Variants in GATA6 observed in about 807,000 individuals in gnomAD.
GATA6 encodes the protein GATA binding protein 6.
A neutral mutation model predicts 48.1 loss-of-function variants in GATA6; 11 were observed. That is an observed-to-expected ratio of 0.23 (90% CI 0.14 to 0.38). The LOEUF is 0.38. Ranked by LOEUF, GATA6 falls within the 10% of genes least tolerant of loss-of-function variation. The pLI is 1.00. For missense variants in GATA6, 795 were observed against 850.3 expected, an observed-to-expected ratio of 0.93 and a Z score of 0.81; for synonymous variants, 419 against 396.1, an observed-to-expected ratio of 1.06 and a Z score of -0.69.
chr18:22,174,078 A>G (rs2033091098), intron 2 of GATA6, among the ~76,000 whole-genome samples: 1 of 152,212 alleles, frequency 6.6e-6, no homozygotes, highest in Non-Finnish European at 1.5e-5. Context: ...TTACCTCTGC[A>G]TAGGGACCCG....
intron 6 of GATA6, among the ~76,000 whole-genome samples, chr18:22,189,306 G>T (rs1331495081): frequency 1.3e-5 from 2 of 152,142 alleles, no homozygotes; most frequent in Non-Finnish European, 2.9e-5. Flanking sequence ...GAAAGCTTAG[G>T]CAGGTAAATA....
Position 22,171,893 on chromosome 18 carries a change from G to T in GATA6, c.749G>T (p.Gly250Val). 3.5e-6 allele frequency: 4 copies of T among 1,154,616 alleles called. No homozygotes were observed. The East Asian group carries it at 1.7e-4, about 49-fold the overall frequency. The allele number at this position is 1,154,616 out of a possible 1,614,324, so 71.5% of individuals were successfully genotyped here. The change falls in exon 2 of 7, where the codon GGC becomes GTC. Residue 250 changes from glycine (G) to valine (V), a missense_variant. By Grantham distance (109) the Gly-to-Val change is moderately radical. Coordinates refer to ENST00000269216, the MANE Select transcript of GATA6 (RefSeq NM_005257.6). This position sits in a 1 kb window ranked among gnomAD's most constrained non-coding sequence, Gnocchi z 7.1. ...GCTGGCGGCGGGGCCGCGGGGCCTG[G>T]CGGCGCTGGCTCAGCCGCGGCGCAC... is the stretch of plus-strand genomic sequence containing the variant. The part of the protein sequence containing the change: ...GAAGGGAAGP[G>V]GAGSAAAHVS...
At chr18:22,195,979 C>A (rs1478351792) in intron 6 of GATA6, among the ~76,000 whole-genome samples, 1 of 152,110 alleles carries the variant, frequency 6.6e-6, no homozygotes. Flanking sequence ...AATTATAGGG[C>A]GAAGTAGGGT....
At chr18:22,181,714 T>A in intron 4 of GATA6, 136 bp downstream of exon 4, 10 of 867,090 alleles carry the variant, frequency 1.2e-5, no homozygotes, top group Non-Finnish European at 1.9e-5. Context: ...TGAATATGTT[T>A]AATATATTCA....
At chr18:22,175,930 CT>C (rs895334687) in intron 2 of GATA6, among the ~76,000 whole-genome samples, 17 of 151,888 alleles carry the variant, frequency 1.1e-4, no homozygotes, top group Non-Finnish European at 2.1e-4. Flanking sequence ...GCGGTCTATA[CT>C]TTTTTTTGGT....
Position 22,172,334 on chromosome 18 carries a change from G to A in GATA6, c.1135+55G>A, listed in dbSNP as rs937054562. On this transcript the variant is annotated intron_variant, in intron 2 of 6. Transcript: ENST00000269216. The surrounding 1 kb of genome is among the most constrained non-coding windows in gnomAD (Gnocchi z 5.2). ...GGGTCCAAAGCGCTGGGGCGCACGG[G>A]GGACGTGGAGCAGCTGCTCCACTCG... 6.6e-7 allele frequency: 1 copy of A among 1,510,504 alleles called. No individual in the cohort carries two copies. Among genetic ancestry groups the A allele is most frequent in the Non-Finnish European group, 8.8e-7 (1 of 1,130,480 alleles). 93.6% of individuals were successfully genotyped at this position (1,510,504 alleles called of 1,614,324 possible). A position where few individuals can be genotyped will look rare whatever the true frequency, so the allele number is the denominator to read the frequency against.
At chr18:22,194,787 C>T (rs1320681431) in intron 6 of GATA6, among the ~76,000 whole-genome samples, 4 of 150,866 alleles carry the variant, frequency 2.7e-5, no homozygotes, top group African/African-American at 4.9e-5. Flanking sequence ...GGGAAAGGGA[C>T]TTAAAAGATG....
intron 6 of GATA6, among the ~76,000 whole-genome samples, chr18:22,191,784 G>T (rs1293473491): frequency 6.6e-6 from 1 of 152,182 alleles, no homozygotes; most frequent in African/African-American, 2.4e-5. Flanking sequence ...TGAGCACAAA[G>T]ACATTATTTT....
chr18:22,172,800 G>C lies in GATA6; in HGVS notation c.1135+521G>C, dbSNP rs1307422101. 6.6e-6 allele frequency among the ~76,000 whole-genome samples: 1 copy of C among 152,204 alleles called. No homozygotes were observed. Among genetic ancestry groups the C allele is most frequent in the Admixed American group, 6.5e-5 (1 of 15,282 alleles). ...GCGTGTTTGTGTTTTCCTAGAGAAG[G>C]GTATTTAGAAGAGCACAACAGAAGA... On this transcript the variant is annotated intron_variant, in intron 2 of 6. Transcript: ENST00000269216. The surrounding 1 kb of genome is among the most constrained non-coding windows in gnomAD (Gnocchi z 5.2).
Position 22,172,051 on chromosome 18 carries a change from A to G in GATA6, c.907A>G (p.Met303Val), listed in dbSNP as rs1257583357. 2.4e-6 allele frequency: 3 copies of G among 1,274,730 alleles called. No homozygotes were observed. The highest frequency in any genetic ancestry group is 3.0e-6 in the Non-Finnish European group (3 of 1,013,974). 79.0% of individuals were successfully genotyped at this position (1,274,730 alleles called of 1,614,324 possible). Reference protein sequence around the residue: ...VSGGGSSLAAMGGREPQYSSL... With the variant: ...VSGGGSSLAAVGGREPQYSSL... ...CGGCGGCGGCAGTAGCCTGGCGGCC[A>G]TGGGCGGCCGCGAGCCCCAGTACAG... Residue 303 changes from methionine (M) to valine (V), a missense_variant, in exon 2 of 7, where the codon ATG becomes GTG. Physicochemically the swap from Met to Val is conservative, Grantham distance 21 (BLOSUM62 1). Around this residue, in one of 5 missense-constraint regions of GATA6, gnomAD observed 591 missense variants for 570.0 expected, o/e 1.04. Transcript: ENST00000269216. This position sits in a 1 kb window ranked among gnomAD's most constrained non-coding sequence, Gnocchi z 5.2.
intron 6 of GATA6, among the ~76,000 whole-genome samples, chr18:22,192,110 G>A (rs945132526): frequency 3.9e-5 from 6 of 152,202 alleles, no homozygotes; most frequent in African/African-American, 1.4e-4. Context: ...GGGGGTTCAC[G>A]GATTAGCAGC....
At chr18:22,183,550 A>G (rs941043073) in intron 6 of GATA6, among the ~76,000 whole-genome samples, 7 of 152,056 alleles carry the variant, frequency 4.6e-5, no homozygotes, top group African/African-American at 1.4e-4. Context: ...TGTATTCACT[A>G]TTTCCTTTGC....
rs753787928 is a variant in GATA6 at position 22,200,757 on chromosome 18, C to G, written c.1722C>G (p.Leu574=). ...GQDGLYIGVS[L]ASPAEVTSSV... ...ATGGGCTCTACATAGGCGTCAGTCT[C>G]GCCTCGCCGGCCGAAGTCACGTCCT... The change falls in exon 7 of 7, where the codon CTC becomes CTG. Residue 574 remains leucine (L), a synonymous_variant. Coordinates refer to ENST00000269216, the MANE Select transcript of GATA6 (RefSeq NM_005257.6). 1 of 1,614,014 alleles carries G rather than the reference C, an allele frequency of 6.2e-7. No individual in the cohort carries two copies. Among genetic ancestry groups the G allele is most frequent in the Non-Finnish European group, 8.5e-7 (1 of 1,180,026 alleles).
chr18:22,183,053 A>G lies in GATA6; in HGVS notation c.1620+10A>G, dbSNP rs1405376189. ...ACCTACAGCCTCAGGGGTAAGTATT[A>G]AAACAGCATAGACTCCTAAATTACT... On this transcript the variant is annotated intron_variant, in intron 6 of 6. Transcript: ENST00000269216. The G allele has an allele frequency of 1.9e-6, 3 of 1,587,514 alleles. No homozygotes were observed. Among genetic ancestry groups the G allele is most frequent in the African/African-American group, 2.7e-5 (2 of 74,140 alleles).
chr18:22,178,806 G>GT (rs919110914), intron 3 of GATA6, among the ~76,000 whole-genome samples: 1 of 152,138 alleles, frequency 6.6e-6, no homozygotes, highest in Non-Finnish European at 1.5e-5. Context: ...AGAAAAAGTA[G>GT]TAACTGGAAA....
intron 6 of GATA6, among the ~76,000 whole-genome samples, chr18:22,190,508 T>C (rs1445457862): frequency 6.6e-6 from 1 of 152,234 alleles, no homozygotes; most frequent in Non-Finnish European, 1.5e-5. Context: ...GTGCCTGTTT[T>C]TTTTTTCAGT....
At chr18:22,179,154 A>G (rs1349537607) in intron 3 of GATA6, among the ~76,000 whole-genome samples, 2 of 152,226 alleles carry the variant, frequency 1.3e-5, no homozygotes, top group Admixed American at 6.5e-5. Flanking sequence ...GTCAGCAAAT[A>G]TGCTTTGTAA....
At chr18:22,197,051 A>G (rs979562490) in intron 6 of GATA6, among the ~76,000 whole-genome samples, 5 of 151,944 alleles carry the variant, frequency 3.3e-5, no homozygotes, top group African/African-American at 1.2e-4. Flanking sequence ...AGACACTGTT[A>G]CAAGGGCTTT....
At chr18:22,178,968 G>A (rs2033160796) in intron 3 of GATA6, among the ~76,000 whole-genome samples, 2 of 152,180 alleles carry the variant, frequency 1.3e-5, no homozygotes. Flanking sequence ...TGGTGGAATA[G>A]TAGTCATTTA....
Sources: gnomAD v4.1 joint callset for allele counts (sites outside exome capture counted in the v4.1 genomes callset) on GRCh38, gnomAD v4.1.1 for gene constraint, gnomAD v4.1.1 regional missense constraint, Gnocchi (gnomAD v3.1) non-coding constraint, MANE v1.5 for transcripts, NCBI Gene and HGNC (gene_info 2026-07-23, HGNC 2026-07-21) for gene names.